Variants in AKAP12 observed in about 807,000 individuals in gnomAD.
AKAP12 encodes the protein A-kinase anchor protein 12.
Under a neutral mutation model 79.9 loss-of-function variants are expected in AKAP12, and 32 were observed. That is an observed-to-expected ratio of 0.40 (90% CI 0.30 to 0.54). The LOEUF (loss-of-function observed/expected upper bound fraction) is 0.54. Among genes scored for constraint, AKAP12 ranks in the 20% least tolerant of loss-of-function variants. The probability of loss-of-function intolerance (pLI) is 0.48; values close to 1 mark genes in which losing one functional copy is unlikely to be tolerated. For missense variants in AKAP12, 2,074 were observed against 2,177.0 expected (o/e 0.95, Z 0.94); for synonymous variants, 808 against 857.0 (o/e 0.94, Z 1.00).
intron 3 of AKAP12, among the ~76,000 whole-genome samples, chr6:151,344,467 A>C (rs1778032465): frequency 6.6e-6 from 1 of 152,204 alleles, no homozygotes; most frequent in African/African-American, 2.4e-5. Flanking sequence ...GGACAAAAAA[A>C]AACTCTAGGT....
At chr6:151,307,384 A>C (rs970653260) in intron 3 of AKAP12, among the ~76,000 whole-genome samples, 3 of 152,210 alleles carry the variant, frequency 2.0e-5, no homozygotes, top group Non-Finnish European at 4.4e-5. Context: ...GCCCCTGCAA[A>C]GAGTTTTTAT....
In AKAP12 at chr6:151,351,364, C is replaced by T. The variant is rs370701327; in HGVS notation, c.2973C>T (p.Thr991=). ...TAGPLGAEEG[T]EASAAEETTE... is the part of the protein sequence containing the mutation. The stretch of plus-strand genomic sequence containing the variant: ...GGCCATTGGGTGCCGAAGAAGGAAC[C>T]GAAGCATCTGCTGCTGAAGAGACCA... Residue 991 remains threonine, a synonymous_variant, in exon 4 of 5, where the codon ACC becomes ACT. Transcript: ENST00000402676. This position sits in a 1 kb window ranked among gnomAD's most constrained non-coding sequence, Gnocchi z 4.4. 65 of 1,614,064 alleles carry T rather than the reference C, an allele frequency of 4.0e-5. 1 individual carries two copies. In the South Asian group the frequency reaches 5.3e-4, roughly 13 times the overall value.
chr6:151,317,169 C>T (rs1313080923), intron 3 of AKAP12, among the ~76,000 whole-genome samples: 1 of 152,190 alleles, frequency 6.6e-6, no homozygotes, highest in Non-Finnish European at 1.5e-5. Flanking sequence ...CTTTGAGGCT[C>T]TGAACCAGGA....
At position 151,246,089 on chromosome 6, in the gene AKAP12, G is replaced by A. The variant is rs370668639; in HGVS notation, c.162+5365G>A. On this transcript the variant is annotated intron_variant, in intron 2 of 4. Transcript: ENST00000402676. ...ATATTTAGATTGTCCTCGTCCATAAGTGTAATTGCTGAATTGCAAGCTTTA... is the reference window on the plus strand; with the variant it reads ...ATATTTAGATTGTCCTCGTCCATAAATGTAATTGCTGAATTGCAAGCTTTA... 1.2e-4 allele frequency among the ~76,000 whole-genome samples: 18 copies of A among 152,290 alleles called. No homozygotes were observed. The East Asian group carries it at 2.7e-3, about 23-fold the overall frequency.
At chr6:151,250,089 T>G (rs1024771735) in intron 2 of AKAP12, among the ~76,000 whole-genome samples, 4 of 152,072 alleles carry the variant, frequency 2.6e-5, no homozygotes, top group African/African-American at 7.2e-5. Flanking sequence ...TACAAAAAAT[T>G]TAAAAATTAG....
chr6:151,300,540 G>C (rs1180353460), intron 2 of AKAP12, among the ~76,000 whole-genome samples: 1 of 152,178 alleles, frequency 6.6e-6, no homozygotes, highest in African/African-American at 2.4e-5. Flanking sequence ...TGGTACTCCT[G>C]TTTCTTACTC....
At chr6:151,310,814 A>G (rs374928931) in intron 3 of AKAP12, among the ~76,000 whole-genome samples, 8 of 152,320 alleles carry the variant, frequency 5.3e-5, no homozygotes, top group African/African-American at 1.7e-4. Flanking sequence ...TTAATCACTT[A>G]CAATGCAGTT....
At chr6:151,297,572 CAAAA>C (rs3029353) in intron 2 of AKAP12, among the ~76,000 whole-genome samples, 32 of 122,410 alleles carry the variant, frequency 2.6e-4, no homozygotes, top group East Asian at 4.6e-4. Context: ...GAGTTCGTCT[CAAAA>C]AAAAAAAAAA....
chr6:151,267,014 C>CA (rs34974747), intron 2 of AKAP12, among the ~76,000 whole-genome samples: 969 of 35,178 alleles, frequency 0.028, 109 homozygotes, highest in African/African-American at 0.048. Flanking sequence ...GACTCCATCT[C>CA]AAAAAAAAAA....
At chr6:151,275,309 G>A (rs1370756964) in intron 2 of AKAP12, among the ~76,000 whole-genome samples, 1 of 152,048 alleles carries the variant, frequency 6.6e-6, no homozygotes, top group Non-Finnish European at 1.5e-5. Flanking sequence ...GAGAGGCTGG[G>A]GCTTGATGGT....
chr6:151,259,509 T>TACACACACACAC (rs1292268852), intron 2 of AKAP12, among the ~76,000 whole-genome samples: 17 of 92,076 alleles, frequency 1.8e-4, no homozygotes, highest in African/African-American at 6.0e-4. Flanking sequence ...TGTATATATA[T>TACACACACACAC]ATACACACAC....
intron 2 of AKAP12, among the ~76,000 whole-genome samples, chr6:151,241,119 C>T (rs1055991487): frequency 6.6e-6 from 1 of 152,232 alleles, no homozygotes; most frequent in Non-Finnish European, 1.5e-5. Context: ...GCCTCCGGAG[C>T]TCCGAGATGC....
rs535027217 is a variant in AKAP12, at chr6:151,337,524, A to AAAAAAAG, written c.320-11184_320-11183insAAAGAAA. 1.3e-3 allele frequency among the ~76,000 whole-genome samples: 163 copies of AAAAAAAG among 129,800 alleles called. 4 individuals are homozygous for AAAAAAAG. The highest frequency in any genetic ancestry group is 5.2e-3 in the African/African-American group (151 of 29,050). The allele number at this position is 129,800 out of a possible 152,430, so 85.2% of individuals were successfully genotyped here. The stretch of plus-strand genomic sequence containing the variant: ...GAGTTTCCGTCTCGAAAAAAAAAAA[A>AAAAAAAG]AAAGAAAGAAAGAAAGATAACTGTA... On this transcript the variant is annotated intron_variant, in intron 3 of 4. Transcript: ENST00000402676.
chr6:151,345,938 A>T (rs201683675), intron 3 of AKAP12, among the ~76,000 whole-genome samples: 3,621 of 135,804 alleles, frequency 0.027, 48 homozygotes, highest in Admixed American at 0.077. Context: ...TGTGTGAGAG[A>T]GAGAGAGAGA....
Position 151,350,231 on chromosome 6 carries a change from A to C in AKAP12, c.1840A>C (p.Lys614Gln). ...REGVTPWASF[K>Q]KMVTPKKRVR... ...AGGTGTCACTCCCTGGGCATCATTC[A>C]AAAAGATGGTGACGCCCAAGAAGCG... The change falls in exon 4 of 5, where the codon AAA (lysine) becomes CAA (glutamine). Residue 614 changes from lysine to glutamine, a missense_variant. Lys to Gln is a moderately conservative substitution (Grantham distance 53). This residue lies in a region of AKAP12 where 1,428 missense variants were observed against 1,451.0 expected (regional missense o/e 0.98). Coordinates refer to ENST00000402676, the MANE Select transcript of AKAP12 (RefSeq NM_005100.4). This position sits in a 1 kb window ranked among gnomAD's most constrained non-coding sequence, Gnocchi z 4.8. 6.2e-7 allele frequency: 1 copy of C among 1,614,098 alleles called. No individual in the cohort carries two copies. The highest frequency in any genetic ancestry group is 8.5e-7 in the Non-Finnish European group (1 of 1,180,000).
intron 2 of AKAP12, among the ~76,000 whole-genome samples, chr6:151,297,004 G>T (rs1467305475): frequency 6.9e-6 from 1 of 145,048 alleles, no homozygotes; most frequent in Non-Finnish European, 1.5e-5. Flanking sequence ...TGTATGCCTA[G>T]GTTGAAATAA....
At chr6:151,334,888 G>T (rs113677177) in intron 3 of AKAP12, among the ~76,000 whole-genome samples, 1 of 152,096 alleles carries the variant, frequency 6.6e-6, no homozygotes, top group Admixed American at 6.5e-5. Flanking sequence ...CTCCTAGAGT[G>T]CTGGGATTAC....
chr6:151,257,005 T>C (rs981992275), intron 2 of AKAP12, among the ~76,000 whole-genome samples: 1 of 150,326 alleles, frequency 6.7e-6, no homozygotes, highest in Non-Finnish European at 1.5e-5. Context: ...TATTCTTTAA[T>C]CTTTGGTTAA....
chr6:151,349,425 T>C lies in AKAP12; in HGVS notation c.1034T>C (p.Val345Ala). 6.2e-7 allele frequency: 1 copy of C among 1,607,958 alleles called. No homozygotes were observed. The highest frequency in any genetic ancestry group is 1.4e-5 in the African/African-American group (1 of 73,562). ...ACAGAAGAAGACGGAAAGGCAGAGG[T>C]TGCCTCCGAGAAACTGACCGCCTCC... Reference protein sequence around the residue: ...VDTEEDGKAEVASEKLTASEQ... With the variant: ...VDTEEDGKAEAASEKLTASEQ... Residue 345 changes from valine (V) to alanine (A), a missense_variant, in exon 4 of 5, where the codon GTT (valine) becomes GCT (alanine). Val to Ala is a moderately conservative substitution (Grantham distance 64). This residue lies in a region of AKAP12 where 1,428 missense variants were observed against 1,451.0 expected (regional missense o/e 0.98). Coordinates refer to ENST00000402676, the MANE Select transcript of AKAP12 (RefSeq NM_005100.4).
Sources: gnomAD v4.1 joint callset for allele counts (sites outside exome capture counted in the v4.1 genomes callset) on GRCh38, gnomAD v4.1.1 for gene constraint, gnomAD v4.1.1 regional missense constraint, Gnocchi (gnomAD v3.1) non-coding constraint, MANE v1.5 for transcripts, NCBI Gene and HGNC (gene_info 2026-07-23, HGNC 2026-07-21) for gene names.